KLHL22: variants seen among roughly 807,000 people sequenced by gnomAD.
The protein encoded by KLHL22 is kelch like family member 22.
Under a neutral mutation model 60.7 loss-of-function variants are expected in KLHL22, and 18 were observed. That is an observed-to-expected ratio of 0.30 (90% CI 0.20 to 0.44). The LOEUF is 0.44. Among genes scored for constraint, KLHL22 ranks in the 20% least tolerant of loss-of-function variants. The pLI, the probability that KLHL22 is intolerant of heterozygous loss-of-function variation, is 1.00. For missense variants in KLHL22, 596 were observed against 852.3 expected (o/e 0.70, Z 3.74); for synonymous variants, 355 against 354.5 (o/e 1.00, Z -0.01).
intron 6 of KLHL22, among the ~76,000 whole-genome samples, chr22:20,443,916 C>T (rs563639208): frequency 4.0e-5 from 6 of 151,760 alleles, no homozygotes; most frequent in South Asian, 2.1e-4. Flanking sequence ...GGTGTGGTGG[C>T]GAACACCTGT....
chr22:20,489,605 G>A (rs1260835381), intron 1 of KLHL22, among the ~76,000 whole-genome samples: 1 of 152,170 alleles, frequency 6.6e-6, no homozygotes, highest in Non-Finnish European at 1.5e-5. Flanking sequence ...ATTTTAAAAA[G>A]AGAGATAAAA....
chr22:20,469,726 G>A (rs1006998609), intron 3 of KLHL22, among the ~76,000 whole-genome samples: 2 of 151,972 alleles, frequency 1.3e-5, no homozygotes, highest in Admixed American at 6.6e-5. Context: ...TGTCACATGG[G>A]GTGGCACCTC....
At chr22:20,463,918 C>T (rs2053191647) in intron 4 of KLHL22, among the ~76,000 whole-genome samples, 1 of 152,160 alleles carries the variant, frequency 6.6e-6, no homozygotes, top group South Asian at 2.1e-4. Flanking sequence ...CCCACCCTGA[C>T]CCCAGAAAAT....
intron 3 of KLHL22, among the ~76,000 whole-genome samples, chr22:20,470,604 G>T (rs1056663415): frequency 2.0e-5 from 3 of 152,138 alleles, no homozygotes; most frequent in Non-Finnish European, 4.4e-5. Context: ...AGCTGTGATC[G>T]TGCCACTGCA....
At chr22:20,471,556 G>A (rs748905973) in intron 2 of KLHL22, 41 bp from the exon 3 acceptor site, 1 of 1,597,030 alleles carries the variant, frequency 6.3e-7, no homozygotes, top group South Asian at 1.1e-5. Context: ...TATACCAACA[G>A]GGACTTAAGC....
At position 20,465,072 on chromosome 22, in the gene KLHL22, C is replaced by G; in HGVS notation, c.898G>C (p.Val300Leu). ...QTELRSDFQC[V>L]VGFGGIHSTP... is the part of the protein sequence containing the mutation. ...GAGTGAATGCCCCCGAAGCCCACAA[C>G]GCACTGGAAGTCCGACCGCAGCTCC... Residue 300 changes from valine (V) to leucine (L), a missense_variant, in exon 4 of 7, where the codon GTT becomes CTT. Physicochemically the swap from Val to Leu is conservative, Grantham distance 32 (BLOSUM62 1). Transcript: ENST00000328879. The surrounding 1 kb of genome is among the most constrained non-coding windows in gnomAD (Gnocchi z 4.9). 6.2e-7 allele frequency: 1 copy of G among 1,612,892 alleles called. No individual in the cohort carries two copies. The highest frequency in any genetic ancestry group is 8.5e-7 in the Non-Finnish European group (1 of 1,179,268).
At chr22:20,485,913 C>A (rs1036657580) in intron 2 of KLHL22, among the ~76,000 whole-genome samples, 2 of 148,222 alleles carry the variant, frequency 1.3e-5, no homozygotes, top group East Asian at 2.0e-4. Context: ...TCACACCTGT[C>A]ATCCCAGCAC....
At chr22:20,466,050 C>A (rs931593575) in intron 3 of KLHL22, among the ~76,000 whole-genome samples, 6 of 151,964 alleles carry the variant, frequency 3.9e-5, no homozygotes, top group African/African-American at 1.5e-4. Flanking sequence ...AGGAGTGGAC[C>A]CTTGATATAT....
chr22:20,463,451 G>T (rs2053185509), intron 4 of KLHL22, among the ~76,000 whole-genome samples: 1 of 152,230 alleles, frequency 6.6e-6, no homozygotes, highest in African/African-American at 2.4e-5. Flanking sequence ...GGACAGCTCT[G>T]TGGAAACATC....
intron 3 of KLHL22, among the ~76,000 whole-genome samples, chr22:20,467,524 C>T (rs1432156447): frequency 3.3e-5 from 5 of 152,294 alleles, no homozygotes; most frequent in African/African-American, 1.2e-4. Flanking sequence ...CTTGTGGGAA[C>T]CCCCTTGCTA....
Position 20,469,509 on chromosome 22 carries a change from T to C in KLHL22, c.393+1841A>G, listed in dbSNP as rs990923144. Among the ~76,000 whole-genome samples, 3 of 152,102 alleles carry C rather than the reference T, an allele frequency of 2.0e-5. No individual in the cohort carries two copies. The East Asian group carries it at 5.8e-4, about 29-fold the overall frequency. On this transcript the variant is annotated intron_variant, in intron 3 of 6. Transcript: ENST00000328879. ...GCCAGGGTGGAGAATTGGATGAGGG[T>C]TCCCAAAGCAACAATGACAGGGATG...
At chr22:20,466,161 G>T (rs1175048322) in intron 3 of KLHL22, among the ~76,000 whole-genome samples, 1 of 151,926 alleles carries the variant, frequency 6.6e-6, no homozygotes, top group Non-Finnish European at 1.5e-5. Flanking sequence ...GTATCACGAG[G>T]TCAGGAGTTT....
chr22:20,451,618 AC>A (rs2052980592), intron 5 of KLHL22: 1 of 1,602,608 alleles, frequency 6.2e-7, no homozygotes, highest in Non-Finnish European at 8.5e-7. Flanking sequence ...TGATTCCCGG[AC>A]AACTGCCACC....
intron 2 of KLHL22, among the ~76,000 whole-genome samples, chr22:20,487,629 G>A (rs1027917252): frequency 1.3e-4 from 20 of 152,298 alleles, no homozygotes; most frequent in African/African-American, 4.3e-4. Context: ...GAAGTGGAGG[G>A]ATGCAGGGGG....
intron 1 of KLHL22, chr22:20,492,165 T>C (rs1433102345): frequency 6.6e-6 from 1 of 152,234 alleles, no homozygotes; most frequent in African/African-American, 2.4e-5. Context: ...CCAACTTGTC[T>C]AATTTTACTA....
At chr22:20,447,118 A>G (rs1206630322) in intron 5 of KLHL22, among the ~76,000 whole-genome samples, 1 of 152,162 alleles carries the variant, frequency 6.6e-6, no homozygotes, top group Admixed American at 6.5e-5. Flanking sequence ...AAATGTTTGT[A>G]AATAATATCT....
chr22:20,443,383 C>T (rs1267123536), intron 6 of KLHL22, among the ~76,000 whole-genome samples: 1 of 151,754 alleles, frequency 6.6e-6, no homozygotes, highest in Non-Finnish European at 1.5e-5. Context: ...GGTGCAGACC[C>T]TGAGATGGGG....
rs562273548 is a variant in KLHL22 at position 20,442,023 on chromosome 22, C to G, written c.*50G>C. ...TCTGGCCTAGGCTGCGTGGGTTTCA[C>G]TGCCCTGCAGCCCCAGCCTCCCTTC... On this transcript the variant is annotated 3_prime_UTR_variant, in exon 7 of 7. Transcript: ENST00000328879. 6.7e-7 allele frequency: 1 copy of G among 1,486,224 alleles called. No homozygotes were observed. Among genetic ancestry groups the G allele is most frequent in the Admixed American group, 2.5e-5 (1 of 40,810 alleles). 92.1% of individuals were successfully genotyped at this position (1,486,224 alleles called of 1,614,324 possible).
At chr22:20,443,338 A>G (rs1400392575) in intron 6 of KLHL22, among the ~76,000 whole-genome samples, 1 of 137,624 alleles carries the variant, frequency 7.3e-6, no homozygotes, top group African/African-American at 2.6e-5. Flanking sequence ...AGATAGGATC[A>G]AGGGTACAAG....
Sources: allele counts gnomAD v4.1 joint callset (sites outside exome capture counted in the v4.1 genomes callset), GRCh38; gene constraint gnomAD v4.1.1; non-coding constraint Gnocchi (gnomAD v3.1); transcripts MANE v1.5; gene names NCBI Gene and HGNC (gene_info 2026-07-23, HGNC 2026-07-21).